The following LRRC4C variants were observed in gnomAD, a reference collection of about 807,000 sequenced individuals.
The protein encoded by LRRC4C is leucine-rich repeat-containing protein 4C.
Under a neutral mutation model 33.6 loss-of-function variants are expected in LRRC4C, and 5 were observed. That is an observed-to-expected ratio of 0.15 (90% CI 0.08 to 0.31). LRRC4C has a LOEUF of 0.31. Among genes scored for constraint, LRRC4C ranks in the 10% least tolerant of loss-of-function variants. The probability of loss-of-function intolerance (pLI) is 1.00; values close to 1 mark genes in which losing one functional copy is unlikely to be tolerated. For missense variants in LRRC4C, 560 were observed against 796.7 expected (o/e 0.70, Z 3.58); for synonymous variants, 329 against 302.0 (o/e 1.09, Z -0.93).
chr11:41,452,595 C>T (rs1264017842), intron 1 of LRRC4C, among the ~76,000 whole-genome samples: 1 of 152,046 alleles, frequency 6.6e-6, no homozygotes, highest in African/African-American at 2.4e-5. Flanking sequence ...TAATGGCTCA[C>T]ATTTTAGAAC....
At chr11:40,674,092 A>G (rs1270349965) in intron 2 of LRRC4C, among the ~76,000 whole-genome samples, 2 of 152,244 alleles carry the variant, frequency 1.3e-5, no homozygotes, top group Non-Finnish European at 2.9e-5. Context: ...TGTTAATTCT[A>G]TAAATGTTTC....
At chr11:41,372,999 C>T (rs967463581) in intron 1 of LRRC4C, among the ~76,000 whole-genome samples, 4 of 152,042 alleles carry the variant, frequency 2.6e-5, no homozygotes, top group African/African-American at 9.7e-5. Flanking sequence ...AGAAAGAATA[C>T]TTTTCCATTT....
At chr11:40,382,419 AC>A (rs1948918289) in intron 3 of LRRC4C, among the ~76,000 whole-genome samples, 1 of 151,820 alleles carries the variant, frequency 6.6e-6, no homozygotes, top group South Asian at 2.1e-4. Flanking sequence ...AAAATGTACA[AC>A]TAAATACGTT....
chr11:41,042,364 G>A (rs533545147), intron 1 of LRRC4C, among the ~76,000 whole-genome samples: 1 of 152,200 alleles, frequency 6.6e-6, no homozygotes, highest in Admixed American at 6.5e-5. Flanking sequence ...TGACCTCTGA[G>A]TCCCTTTACA....
intron 1 of LRRC4C, among the ~76,000 whole-genome samples, chr11:41,374,185 T>C (rs184501398): frequency 1.2e-3 from 180 of 152,310 alleles, no homozygotes; most frequent in African/African-American, 4.0e-3. Context: ...GAGCCAGCAC[T>C]AAGGTTTGAA....
chr11:40,700,257 T>C (rs1054072351), intron 2 of LRRC4C, among the ~76,000 whole-genome samples: 12 of 152,138 alleles, frequency 7.9e-5, no homozygotes, highest in African/African-American at 1.9e-4. Context: ...CTTTGGATAT[T>C]TCATGGTTGG....
At chr11:41,407,999 T>C (rs1441752798) in intron 1 of LRRC4C, among the ~76,000 whole-genome samples, 5 of 152,140 alleles carry the variant, frequency 3.3e-5, no homozygotes, top group African/African-American at 9.7e-5. Flanking sequence ...GAAGCTAATA[T>C]AGACCCTGTA....
chr11:41,447,997 T>C (rs1318213486), intron 1 of LRRC4C, among the ~76,000 whole-genome samples: 1 of 152,090 alleles, frequency 6.6e-6, no homozygotes, highest in African/African-American at 2.4e-5. Context: ...CTTTTTCCTT[T>C]ATGTTGCCCC....
chr11:40,206,740 T>C (rs1200047398), intron 5 of LRRC4C, among the ~76,000 whole-genome samples: 1 of 152,172 alleles, frequency 6.6e-6, no homozygotes, highest in Non-Finnish European at 1.5e-5. Flanking sequence ...TTCTAAATCA[T>C]GCTACTGTTA....
intron 3 of LRRC4C, among the ~76,000 whole-genome samples, chr11:40,379,234 G>T (rs952289085): frequency 6.6e-6 from 1 of 151,620 alleles, no homozygotes; most frequent in African/African-American, 2.4e-5. Flanking sequence ...GTATTTACTC[G>T]GTCATTTTTA....
At chr11:40,937,306 G>C (rs1199276062) in intron 1 of LRRC4C, among the ~76,000 whole-genome samples, 1 of 123,376 alleles carries the variant, frequency 8.1e-6, no homozygotes, top group Admixed American at 9.7e-5. Context: ...AGATGCTGCC[G>C]ACTACTAGAG....
At chr11:41,088,551 T>C (rs1257686887) in intron 1 of LRRC4C, among the ~76,000 whole-genome samples, 1 of 152,042 alleles carries the variant, frequency 6.6e-6, no homozygotes, top group Admixed American at 6.6e-5. Context: ...GTGAAAATAA[T>C]TTGAAAATGT....
intron 6 of LRRC4C, among the ~76,000 whole-genome samples, chr11:40,137,717 C>A (rs1056482994): frequency 6.6e-6 from 1 of 152,176 alleles, no homozygotes; most frequent in African/African-American, 2.4e-5. Flanking sequence ...CTTCCTCATT[C>A]ACTATATTAA....
intron 5 of LRRC4C, among the ~76,000 whole-genome samples, chr11:40,228,907 G>C (rs769334202): frequency 1.1e-4 from 17 of 152,170 alleles, no homozygotes; most frequent in South Asian, 4.1e-4. Flanking sequence ...TTTTAGCTAA[G>C]GACCAATGAA....
chr11:41,350,467 G>A (rs1173113017), intron 1 of LRRC4C, among the ~76,000 whole-genome samples: 112 of 137,792 alleles, frequency 8.1e-4, no homozygotes, highest in Admixed American at 3.2e-3. Flanking sequence ...TCAAGATTGC[G>A]CCACTGCACT....
chr11:40,614,951 T>G (rs1467559951), intron 3 of LRRC4C, among the ~76,000 whole-genome samples: 3 of 151,486 alleles, frequency 2.0e-5, no homozygotes, highest in African/African-American at 7.3e-5. Context: ...GAGATCAGCA[T>G]AACAGATTTA....
At chr11:40,252,056 G>T (rs1050652071) in intron 4 of LRRC4C, among the ~76,000 whole-genome samples, 2 of 151,922 alleles carry the variant, frequency 1.3e-5, no homozygotes, top group Non-Finnish European at 2.9e-5. Flanking sequence ...GGAATCAGAT[G>T]GCTTTGATGA....
chr11:41,013,228 C>T (rs943489826), intron 1 of LRRC4C, among the ~76,000 whole-genome samples: 2 of 152,168 alleles, frequency 1.3e-5, no homozygotes, highest in African/African-American at 4.8e-5. Flanking sequence ...TAACTGAATC[C>T]GTGGACTCAC....
chr11:40,659,501 C>T (rs1183951971), intron 2 of LRRC4C, among the ~76,000 whole-genome samples: 1 of 152,130 alleles, frequency 6.6e-6, no homozygotes, highest in Non-Finnish European at 1.5e-5. Context: ...CCAGCCTGCC[C>T]TTGGTTGCCC....
Sources: allele counts gnomAD v4.1 joint callset (sites outside exome capture counted in the v4.1 genomes callset), GRCh38; gene constraint gnomAD v4.1.1; transcripts MANE v1.5; gene names NCBI Gene and HGNC (gene_info 2026-07-23, HGNC 2026-07-21).